Variants in AOAH observed in about 807,000 individuals in gnomAD.
AOAH encodes the protein acyloxyacyl hydrolase (neutrophil).
A neutral mutation model predicts 92.2 loss-of-function variants in AOAH; 64 were observed. That is an observed-to-expected ratio of 0.69 (90% CI 0.57 to 0.86). The LOEUF is 0.86. AOAH is among the 40% of genes least tolerant of loss of function. The pLI is 0.00. For synonymous variants in AOAH, 263 were observed against 254.5 expected, an observed-to-expected ratio of 1.03 and a Z score of -0.32; for missense variants, 656 against 694.6, an observed-to-expected ratio of 0.94 and a Z score of 0.62.
intron 2 of AOAH, among the ~76,000 whole-genome samples, chr7:36,676,479 C>T (rs1033414300): frequency 4.6e-5 from 7 of 152,146 alleles, no homozygotes; most frequent in Non-Finnish European, 1.0e-4. Flanking sequence ...AATGGAAAGA[C>T]ATTCCATATT....
At chr7:36,608,585 C>A (rs1435357444) in intron 11 of AOAH, among the ~76,000 whole-genome samples, 1 of 152,180 alleles carries the variant, frequency 6.6e-6, no homozygotes, top group Admixed American at 6.5e-5. Flanking sequence ...GATGAGGAAA[C>A]TAAAGCTCAG....
chr7:36,607,846 G>A (rs924785592), intron 11 of AOAH, among the ~76,000 whole-genome samples: 5 of 152,198 alleles, frequency 3.3e-5, no homozygotes, highest in African/African-American at 1.2e-4. Flanking sequence ...CTCTAGCCGG[G>A]CAGATATCCA....
At chr7:36,577,299 G>A (rs1346232162) in intron 12 of AOAH, among the ~76,000 whole-genome samples, 1 of 152,112 alleles carries the variant, frequency 6.6e-6, no homozygotes, top group African/African-American at 2.4e-5. Context: ...TGATTGAATG[G>A]TGATTCTGGT....
intron 3 of AOAH, among the ~76,000 whole-genome samples, chr7:36,668,439 C>T (rs1008320489): frequency 1.3e-5 from 2 of 152,190 alleles, no homozygotes; most frequent in South Asian, 2.1e-4. Context: ...ACCTGTTTCT[C>T]CCCACTTTCG....
chr7:36,639,679 T>C (rs1793765503), intron 4 of AOAH, among the ~76,000 whole-genome samples: 1 of 152,198 alleles, frequency 6.6e-6, no homozygotes, highest in Non-Finnish European at 1.5e-5. Flanking sequence ...CAGTAATAAA[T>C]GCTTTCAAAA....
intron 19 of AOAH, among the ~76,000 whole-genome samples, chr7:36,522,791 G>A (rs992194999): frequency 2.0e-5 from 3 of 152,212 alleles, no homozygotes; most frequent in Non-Finnish European, 4.4e-5. Flanking sequence ...GGAAGCCTCC[G>A]GAGAGCAGCA....
intron 12 of AOAH, among the ~76,000 whole-genome samples, chr7:36,578,631 C>G (rs1340516667): frequency 6.6e-6 from 1 of 152,164 alleles, no homozygotes. Context: ...ACTTTTAAGG[C>G]TACTTCTTGA....
chr7:36,641,746 G>GT, intron 4 of AOAH, among the ~76,000 whole-genome samples: 1 of 152,202 alleles, frequency 6.6e-6, no homozygotes, highest in Non-Finnish European at 1.5e-5. Flanking sequence ...GGTGAGGACG[G>GT]TAACAGTTGC....
chr7:36,593,828 G>A (rs1789915078), intron 12 of AOAH, among the ~76,000 whole-genome samples: 1 of 152,152 alleles, frequency 6.6e-6, no homozygotes, highest in South Asian at 2.1e-4. Context: ...CAGCATCACA[G>A]GTGTCCCTGC....
At chr7:36,559,057 A>G (rs113957820) in intron 13 of AOAH, among the ~76,000 whole-genome samples, 24,188 of 152,186 alleles carry the variant, frequency 0.16, 2,204 homozygotes, top group African/African-American at 0.25. Flanking sequence ...GAAATCACCC[A>G]TCTTCTGTGT....
At chr7:36,542,001 T>C (rs1785457798) in intron 15 of AOAH, among the ~76,000 whole-genome samples, 1 of 152,178 alleles carries the variant, frequency 6.6e-6, no homozygotes, top group Admixed American at 6.5e-5. Flanking sequence ...TCCCTAATGA[T>C]AGTGGGTTAA....
chr7:36,618,122 C>A (rs1248584903), intron 10 of AOAH, among the ~76,000 whole-genome samples, 175 bp downstream of exon 10: 1 of 152,094 alleles, frequency 6.6e-6, no homozygotes, highest in Non-Finnish European at 1.5e-5. Flanking sequence ...TTTTCTGAAC[C>A]TTTTAGATAC....
intron 3 of AOAH, among the ~76,000 whole-genome samples, chr7:36,671,609 ATGTGTGTGTGCGTGTGTGCATCTG>A (rs1795933816): frequency 6.7e-6 from 1 of 150,078 alleles, no homozygotes; most frequent in Admixed American, 6.6e-5. Flanking sequence ...GTGTGTGTGT[ATGTGTGTGTGCGTGTGTGCATCTG>A]TGTGTGTGCA....
At chr7:36,691,759 C>T (rs932121033) in intron 1 of AOAH, among the ~76,000 whole-genome samples, 5 of 152,128 alleles carry the variant, frequency 3.3e-5, no homozygotes, top group African/African-American at 9.7e-5. Flanking sequence ...TATATCCCAG[C>T]CCTTTGAATC....
intron 3 of AOAH, among the ~76,000 whole-genome samples, chr7:36,669,958 G>C (rs1047661292): frequency 2.6e-5 from 4 of 152,170 alleles, no homozygotes; most frequent in African/African-American, 9.7e-5. Context: ...CACACAGAGG[G>C]GACCCAGCTG....
At chr7:36,584,490 A>C (rs1485896080) in intron 12 of AOAH, among the ~76,000 whole-genome samples, 1 of 152,182 alleles carries the variant, frequency 6.6e-6, no homozygotes, top group Non-Finnish European at 1.5e-5. Context: ...ATCATTAGCC[A>C]AATTCACTTC....
At chr7:36,701,544 A>G (rs1798037003) in intron 1 of AOAH, among the ~76,000 whole-genome samples, 1 of 151,258 alleles carries the variant, frequency 6.6e-6, no homozygotes, top group Non-Finnish European at 1.5e-5. Context: ...TTCATTATGA[A>G]ATATACCTTT....
intron 1 of AOAH, among the ~76,000 whole-genome samples, chr7:36,699,038 ATGAG>A (rs1257944344): frequency 6.6e-6 from 1 of 151,390 alleles, no homozygotes; most frequent in Non-Finnish European, 1.5e-5. Flanking sequence ...TCCCACATGT[ATGAG>A]TGAGAATATG....
chr7:36,713,754 A>G (rs983029430), intron 1 of AOAH, among the ~76,000 whole-genome samples: 1 of 152,244 alleles, frequency 6.6e-6, no homozygotes, highest in Non-Finnish European at 1.5e-5. Context: ...TGAAGGCAGA[A>G]ATAAAGATGT....
Sources: allele counts gnomAD v4.1 joint callset (sites outside exome capture counted in the v4.1 genomes callset), GRCh38; gene constraint gnomAD v4.1.1; transcripts MANE v1.5; gene names NCBI Gene and HGNC (gene_info 2026-07-23, HGNC 2026-07-21).